Variants in DDX31 observed in about 807,000 individuals in gnomAD.
The protein encoded by DDX31 is ATP-dependent DNA helicase DDX31.
In DDX31, 70 loss-of-function variants were observed where a neutral mutation model predicts 91.3. The ratio of observed to expected loss-of-function variants is 0.77; its 90% CI spans 0.63 to 0.94. The LOEUF is 0.94. Ranked by LOEUF, DDX31 falls within the 40% of genes least tolerant of loss-of-function variation. The probability of loss-of-function intolerance (pLI) is 0.00; values close to 1 mark genes in which losing one functional copy is unlikely to be tolerated. For synonymous variants in DDX31, 362 were observed against 350.6 expected (o/e 1.03, Z -0.36); for missense variants, 902 against 925.0 (o/e 0.98, Z 0.32).
At chr9:132,660,720 C>A (rs1048198534) in intron 4 of DDX31, among the ~76,000 whole-genome samples, 2 of 152,146 alleles carry the variant, frequency 1.3e-5, no homozygotes, top group Non-Finnish European at 2.9e-5. Context: ...CACAGAAGCA[C>A]AAATACTCAA....
chr9:132,625,422 C>A (rs1832333490), intron 17 of DDX31, among the ~76,000 whole-genome samples: 2 of 151,938 alleles, frequency 1.3e-5, no homozygotes, highest in South Asian at 4.2e-4. Context: ...GAGCCTGCTG[C>A]TGTCTGGCAG....
intron 1 of DDX31, among the ~76,000 whole-genome samples, chr9:132,664,754 A>G (rs778811818): frequency 3.3e-5 from 5 of 150,290 alleles, no homozygotes; most frequent in Non-Finnish European, 7.4e-5. Flanking sequence ...TATGATCAAC[A>G]AAGCCTTCTA....
chr9:132,669,482 T>A, intron 1 of DDX31: 1 of 837,982 alleles, frequency 1.2e-6, no homozygotes, highest in Admixed American at 3.2e-5. Flanking sequence ...AAAAAAAAAA[T>A]CAGAGCTTAG....
chr9:132,595,368 T>TG lies in DDX31; in HGVS notation c.1995-257dup, dbSNP rs1281630402. On this transcript the variant is annotated intron_variant, in intron 19 of 19. Coordinates refer to ENST00000372159, the MANE Select transcript of DDX31 (RefSeq NM_022779.9). This position sits in a 1 kb window ranked among gnomAD's most constrained non-coding sequence, Gnocchi z 4.6. ...GAGGCTTTGTTCTGTGTTGTTTTCA[T>TG]GGGGAAAAAAAGAACTATACACCCT... 3.3e-5 allele frequency among the ~76,000 whole-genome samples: 5 copies of TG among 152,098 alleles called. No homozygotes were observed. The highest frequency in any genetic ancestry group is 7.4e-5 in the Non-Finnish European group (5 of 67,998).
intron 1 of DDX31, chr9:132,669,613 G>A: frequency 5.3e-6 from 8 of 1,523,116 alleles, no homozygotes; most frequent in Non-Finnish European, 7.0e-6. Context: ...TACTTTTCTA[G>A]GCGCAGGAGC....
chr9:132,606,122 A>G (rs1258894179), intron 19 of DDX31, among the ~76,000 whole-genome samples: 2 of 152,206 alleles, frequency 1.3e-5, no homozygotes, highest in East Asian at 3.9e-4. Flanking sequence ...GTGGATTTAC[A>G]CGGAGAAATC....
intron 17 of DDX31, among the ~76,000 whole-genome samples, chr9:132,623,184 T>C (rs1010295535): frequency 2.0e-5 from 3 of 151,598 alleles, no homozygotes; most frequent in African/African-American, 7.3e-5. Flanking sequence ...TCCAGGACTA[T>C]TTCCCACACA....
intron 8 of DDX31, among the ~76,000 whole-genome samples, chr9:132,650,663 CACCCCTA>C (rs1834127973): frequency 6.6e-6 from 1 of 152,154 alleles, no homozygotes; most frequent in South Asian, 2.1e-4. Context: ...CCCTACTCTC[CACCCCTA>C]ATAAAAGAAA....
In DDX31 at chr9:132,618,247, C is replaced by T. The variant is rs868051639; in HGVS notation, c.1825+83G>A. The T allele has an allele frequency of 6.7e-5, 79 of 1,187,714 alleles. No homozygotes were observed. In the African/African-American group the frequency reaches 7.1e-4, roughly 11 times the overall value. The allele number at this position is 1,187,714 out of a possible 1,614,324, so 73.6% of individuals were successfully genotyped here. A position where few individuals can be genotyped will look rare whatever the true frequency, so the allele number is the denominator to read the frequency against. On this transcript the variant is annotated intron_variant, in intron 18 of 19. Transcript: ENST00000372159. The stretch of plus-strand genomic sequence containing the variant: ...GGGACCTCCATGTTGGCCTCTCAAC[C>T]GGTTTGGGGGTATGTGGGTGAAGGT...
intron 14 of DDX31, 32 bp from the exon 15 acceptor site, chr9:132,632,123 T>G (rs776101546): frequency 1.2e-6 from 2 of 1,601,376 alleles, no homozygotes; most frequent in Admixed American, 1.7e-5. Flanking sequence ...GGTTTAACAC[T>G]GAGTTTCTGA....
At chr9:132,666,699 G>GT (rs1246388203) in intron 1 of DDX31, among the ~76,000 whole-genome samples, 2 of 148,644 alleles carry the variant, frequency 1.3e-5, no homozygotes, top group African/African-American at 5.0e-5. Flanking sequence ...TTTTGTGTTT[G>GT]TTTTTTGTTT....
intron 6 of DDX31, among the ~76,000 whole-genome samples, chr9:132,654,550 T>C (rs1026434923): frequency 2.0e-5 from 3 of 151,798 alleles, no homozygotes; most frequent in African/African-American, 7.3e-5. Flanking sequence ...GAGGTGGAGG[T>C]TGCAGTGAGC....
At chr9:132,669,394 G>A (rs986373572) in intron 1 of DDX31, among the ~76,000 whole-genome samples, 1 of 151,964 alleles carries the variant, frequency 6.6e-6, no homozygotes, top group Admixed American at 6.6e-5. Flanking sequence ...CGATATATAG[G>A]GTTAAATGAA....
At chr9:132,596,406 C>T (rs1564268717) in intron 19 of DDX31, among the ~76,000 whole-genome samples, 2 of 152,158 alleles carry the variant, frequency 1.3e-5, no homozygotes, top group African/African-American at 4.8e-5. Flanking sequence ...AAGCCAACCT[C>T]TGCAGGAAAA....
Position 132,612,177 on chromosome 9 carries a change from A to G in DDX31, c.1904T>C (p.Leu635Pro), listed in dbSNP as rs746198151. The G allele has an allele frequency of 9.3e-6, 15 of 1,614,042 alleles. No individual in the cohort carries two copies. The highest frequency in any genetic ancestry group is 1.2e-5 in the Non-Finnish European group (14 of 1,180,036). Residue 635 changes from leucine to proline, a missense_variant, in exon 19 of 20, where the codon CTT (leucine) becomes CCT (proline). By Grantham distance (98) the Leu-to-Pro change is moderately conservative. Transcript: ENST00000372159. The part of the protein sequence containing the change: ...KHIFHVRSLH[L>P]GHVAKSFGLR... Reference sequence around the variant, plus strand: ...TCCGAAGCTCTTCGCCACATGCCCAAGGTGGAGGGATCGGACGTGGAAGAT... The same window carrying G: ...TCCGAAGCTCTTCGCCACATGCCCAGGGTGGAGGGATCGGACGTGGAAGAT...
rs1228942813 is a variant in DDX31 at position 132,648,222 on chromosome 9, G to A, written c.934C>T (p.Gln312Ter). The A allele has an allele frequency of 1.2e-6, 2 of 1,613,774 alleles. No individual in the cohort carries two copies. Among genetic ancestry groups the A allele is most frequent in the African/African-American group, 2.7e-5 (2 of 74,862 alleles). ...AGTGTCGCTGATAGCAAGACATTCT[G>A]TCGTTTTTGGCATTCAGCATTTACA... ...NAVNAECQKR[Q>*]NVLLSATLTE... The change falls in exon 11 of 20, where the codon CAG (glutamine) becomes TAG (stop). Residue 312 changes from glutamine to a stop codon, truncating the protein, a stop_gained. Transcript: ENST00000372159. LOFTEE classifies it high-confidence loss of function.
At chr9:132,609,915 T>G (rs1831233322) in intron 19 of DDX31, among the ~76,000 whole-genome samples, 1 of 152,200 alleles carries the variant, frequency 6.6e-6, no homozygotes, top group African/African-American at 2.4e-5. Context: ...TCACCGCGCC[T>G]GGCCACATGT....
intron 5 of DDX31, among the ~76,000 whole-genome samples, chr9:132,659,330 C>T (rs1834785375): frequency 6.6e-6 from 1 of 152,146 alleles, no homozygotes; most frequent in African/African-American, 2.4e-5. Context: ...GTTCTGTCCT[C>T]GAGCACAACT....
At chr9:132,635,925 C>T (rs1195511069) in intron 14 of DDX31, among the ~76,000 whole-genome samples, 1 of 151,612 alleles carries the variant, frequency 6.6e-6, no homozygotes, top group Non-Finnish European at 1.5e-5. Context: ...GCCTGGGCAA[C>T]AAGAGCAAAA....
Sources: allele counts gnomAD v4.1 joint callset (sites outside exome capture counted in the v4.1 genomes callset), GRCh38; gene constraint gnomAD v4.1.1; non-coding constraint Gnocchi (gnomAD v3.1); transcripts MANE v1.5; gene names NCBI Gene and HGNC (gene_info 2026-07-23, HGNC 2026-07-21).